The following VPS53 variants were observed in gnomAD, a reference collection of about 807,000 sequenced individuals.
VPS53 encodes VPS53 subunit of GARP complex, also known as vacuolar protein sorting-associated protein 53 homolog.
Under a neutral mutation model 107.0 loss-of-function variants are expected in VPS53, and 70 were observed. The observed-to-expected ratio is 0.65, with a 90% CI of 0.54 to 0.80. The LOEUF (loss-of-function observed/expected upper bound fraction) is 0.80, where lower values mean the gene tolerates loss of function less well. Among genes scored for constraint, VPS53 ranks in the 30% least tolerant of loss-of-function variants. The pLI is 0.00. For synonymous variants in VPS53, 409 were observed against 393.3 expected (o/e 1.04, Z -0.47); for missense variants, 917 against 1,049.4 (o/e 0.87, Z 1.74).
chr17:619,282 CTG>C (rs1159853948), intron 11 of VPS53, among the ~76,000 whole-genome samples: 1 of 150,458 alleles, frequency 6.6e-6, no homozygotes, highest in Non-Finnish European at 1.5e-5. Context: ...ACCACCACAC[CTG>C]CTAATATTTT....
chr17:521,609 T>C lies in VPS53; in HGVS notation c.2215A>G (p.Ile739Val), dbSNP rs1908754229. The C allele has an allele frequency of 3.2e-6, 5 of 1,544,284 alleles. No homozygotes were observed. Among genetic ancestry groups the C allele is most frequent in the Non-Finnish European group, 4.4e-6 (5 of 1,142,570 alleles). ...VVKGMTRAEM[I>V]LKVVMAPHEP... ...TTAACACAAGCCATCACCTTGAGGA[T>C]CATCTCAGCCCGGGTCATGCCTTTG... The change falls in exon 20 of 22, where the codon ATC (isoleucine) becomes GTC (valine). Residue 739 changes from isoleucine to valine, a missense_variant. Physicochemically the swap from Ile to Val is conservative, Grantham distance 29. Transcript: ENST00000437048.
At chr17:644,722 C>T (rs886755080) in intron 7 of VPS53, among the ~76,000 whole-genome samples, 1 of 151,950 alleles carries the variant, frequency 6.6e-6, no homozygotes. Context: ...TAACTGGAAC[C>T]ACAGGCACAC....
At chr17:591,195 G>C (rs1967626910) in intron 12 of VPS53, among the ~76,000 whole-genome samples, 1 of 145,246 alleles carries the variant, frequency 6.9e-6, no homozygotes, top group Non-Finnish European at 1.5e-5. Context: ...TCTGATGGTA[G>C]TTTGTATTTC....
At chr17:624,378 C>A (rs972844616) in intron 10 of VPS53, among the ~76,000 whole-genome samples, 3 of 152,100 alleles carry the variant, frequency 2.0e-5, no homozygotes, top group Admixed American at 6.6e-5. Context: ...AGGATCCCTG[C>A]GGGAAAAGTG....
At chr17:694,126 C>T (rs1440318258) in intron 4 of VPS53, among the ~76,000 whole-genome samples, 22 of 152,144 alleles carry the variant, frequency 1.4e-4, no homozygotes, top group Admixed American at 1.4e-3. Flanking sequence ...CTGGAAAAGA[C>T]AGATGGGGCC....
At chr17:624,393 G>A (rs1969600782) in intron 10 of VPS53, among the ~76,000 whole-genome samples, 1 of 152,186 alleles carries the variant, frequency 6.6e-6, no homozygotes, top group Non-Finnish European at 1.5e-5. Flanking sequence ...AAAGTGGCAA[G>A]CACGCTTAGC....
chr17:605,077 G>C (rs1436323456), intron 11 of VPS53, among the ~76,000 whole-genome samples: 1 of 149,710 alleles, frequency 6.7e-6, no homozygotes, highest in Non-Finnish European at 1.5e-5. Flanking sequence ...GTCTGAGCCA[G>C]AGCTGAAGGA....
At chr17:691,633 C>A (rs76302289) in intron 4 of VPS53, among the ~76,000 whole-genome samples, 1 of 152,144 alleles carries the variant, frequency 6.6e-6, no homozygotes, top group African/African-American at 2.4e-5. Context: ...TTAAATTATG[C>A]GCCATTCTGA....
intron 19 of VPS53, among the ~76,000 whole-genome samples, chr17:531,514 T>C (rs1909538874): frequency 6.6e-6 from 1 of 152,172 alleles, no homozygotes; most frequent in Non-Finnish European, 1.5e-5. Context: ...TCTTTTTTTT[T>C]TTGTGGGGCA....
At chr17:530,981 T>C (rs1042889463) in intron 19 of VPS53, among the ~76,000 whole-genome samples, 1 of 152,176 alleles carries the variant, frequency 6.6e-6, no homozygotes, top group African/African-American at 2.4e-5. Context: ...ACAGCTGAGG[T>C]TGGGCTAAAT....
At chr17:583,924 C>T (rs1353633317) in intron 13 of VPS53, among the ~76,000 whole-genome samples, 1 of 151,996 alleles carries the variant, frequency 6.6e-6, no homozygotes, top group African/African-American at 2.4e-5. Flanking sequence ...GGGAACCTCC[C>T]TCAGAACCTC....
intron 13 of VPS53, among the ~76,000 whole-genome samples, chr17:563,979 G>A (rs1007087538): frequency 6.6e-6 from 1 of 152,258 alleles, no homozygotes; most frequent in African/African-American, 2.4e-5. Flanking sequence ...GCAGAGTGTG[G>A]TGGCTCAAGC....
chr17:645,526 T>A (rs1438506592), intron 7 of VPS53, among the ~76,000 whole-genome samples: 1 of 152,252 alleles, frequency 6.6e-6, no homozygotes, highest in Non-Finnish European at 1.5e-5. Flanking sequence ...CCCATTTATC[T>A]ATGTTTTCCT....
Position 562,619 on chromosome 17 carries a change from C to A in VPS53, c.1440G>T (p.Lys480Asn), listed in dbSNP as rs768718407. The A allele has an allele frequency of 6.2e-7, 1 of 1,613,930 alleles. No individual in the cohort carries two copies. Among genetic ancestry groups the A allele is most frequent in the African/African-American group, 1.3e-5 (1 of 74,874 alleles). The part of the protein sequence containing the change: ...SCADLFVYYK[K>N]CMVQCSQLST... ...TGAGCTGAGAGCATTGCACCATGCACTTCTTGTAGTAGACAAAGAGGTCGG... is the reference window on the plus strand; with the variant it reads ...TGAGCTGAGAGCATTGCACCATGCAATTCTTGTAGTAGACAAAGAGGTCGG... The change falls in exon 14 of 22, where the codon AAG becomes AAT. Residue 480 changes from lysine to asparagine, a missense_variant. By Grantham distance (94) the Lys-to-Asn change is moderately conservative. Coordinates refer to ENST00000437048, the MANE Select transcript of VPS53 (RefSeq NM_001128159.3).
At position 515,722 on chromosome 17, in the gene VPS53, G is replaced by A. The variant is rs1405877638; in HGVS notation, c.*3406C>T. 1 of 151,946 alleles carries A rather than the reference G, an allele frequency of 6.6e-6. No homozygotes were observed. Among genetic ancestry groups the A allele is most frequent in the Admixed American group, 6.6e-5 (1 of 15,252 alleles). The allele number at this position is 151,946 out of a possible 1,614,324, so 9.4% of individuals were successfully genotyped here. The stretch of plus-strand genomic sequence containing the variant: ...TTAATAAATAAAGCTTCTGCTTGGG[G>A]GTTGGTCATCAAAACAAGAAGAATC... On this transcript the variant is annotated 3_prime_UTR_variant, in exon 22 of 22. Coordinates refer to ENST00000437048, the MANE Select transcript of VPS53 (RefSeq NM_001128159.3).
At chr17:556,444 C>T (rs920388125) in intron 15 of VPS53, among the ~76,000 whole-genome samples, 2 of 152,178 alleles carry the variant, frequency 1.3e-5, no homozygotes, top group Non-Finnish European at 2.9e-5. Flanking sequence ...ACGATCTTTG[C>T]AATTTTTCTG....
chr17:599,001 G>C (rs185981007), intron 12 of VPS53, among the ~76,000 whole-genome samples: 3,868 of 96,324 alleles, frequency 0.04, 841 homozygotes, highest in East Asian at 0.12. Flanking sequence ...GGAGGTGGGG[G>C]GGGGGGTCAG....
intron 4 of VPS53, among the ~76,000 whole-genome samples, chr17:681,098 TC>T (rs1013078769): frequency 3.9e-5 from 6 of 152,174 alleles, no homozygotes; most frequent in African/African-American, 1.4e-4. Flanking sequence ...AACTATATTT[TC>T]CCCCCAGACA....
rs542233271 is a variant in VPS53, at chr17:662,614, G to A, written c.286-719C>T. ...TGAGGCAGAAGAATTGCTTGAACCC[G>A]GGAGGCAGAGCTTGCAGTGAGCCGA... On this transcript the variant is annotated intron_variant, in intron 4 of 21. Coordinates refer to ENST00000437048, the MANE Select transcript of VPS53 (RefSeq NM_001128159.3). Among the ~76,000 whole-genome samples the A allele has an allele frequency of 2.0e-5, 3 of 151,888 alleles. No homozygotes were observed. In the South Asian group the frequency reaches 6.3e-4, roughly 32 times the overall value.
Sources: allele counts gnomAD v4.1 joint callset (sites outside exome capture counted in the v4.1 genomes callset), GRCh38; gene constraint gnomAD v4.1.1; transcripts MANE v1.5; gene names NCBI Gene and HGNC (gene_info 2026-07-23, HGNC 2026-07-21).